The following PHF12 variants were observed in gnomAD, a reference collection of about 807,000 sequenced individuals.
The protein encoded by PHF12 is PHD factor 1.
PHF12 carries 6 observed loss-of-function variants against 99.8 expected under a neutral mutation model. That is an observed-to-expected ratio of 0.06 (90% confidence interval 0.03 to 0.12). PHF12 has a LOEUF of 0.12. Among genes scored for constraint, PHF12 ranks in the 10% least tolerant of loss-of-function variants. The pLI is 1.00. For synonymous variants in PHF12, 480 were observed against 514.9 expected (o/e 0.93, Z 0.92); for missense variants, 954 against 1,300.1 (o/e 0.73, Z 4.09).
At chr17:28,920,321 A>G (rs2040139396) in intron 5 of PHF12, among the ~76,000 whole-genome samples, 1 of 152,182 alleles carries the variant, frequency 6.6e-6, no homozygotes, top group Non-Finnish European at 1.5e-5. Flanking sequence ...ACCATAATAC[A>G]GTCCTTCTAA....
chr17:28,928,355 A>C (rs1399894931), intron 2 of PHF12: 1 of 152,236 alleles, frequency 6.6e-6, no homozygotes, highest in Non-Finnish European at 1.5e-5. Flanking sequence ...TTATGCAACA[A>C]TAGATAACCA....
At chr17:28,939,165 G>C (rs994838241) in intron 2 of PHF12, among the ~76,000 whole-genome samples, 1 of 152,234 alleles carries the variant, frequency 6.6e-6, no homozygotes, top group African/African-American at 2.4e-5. Flanking sequence ...ATGACAGTTT[G>C]CTAAGTTAAA....
intron 2 of PHF12, among the ~76,000 whole-genome samples, chr17:28,944,344 T>C (rs1724127410): frequency 6.6e-6 from 1 of 152,240 alleles, no homozygotes; most frequent in Admixed American, 6.5e-5. Flanking sequence ...TACTACTAAG[T>C]ACTTGCCTTA....
intron 2 of PHF12, among the ~76,000 whole-genome samples, chr17:28,943,632 A>AAAACAAAC (rs1396141219): frequency 1.4e-5 from 2 of 146,020 alleles, no homozygotes; most frequent in African/African-American, 5.2e-5. Context: ...TCTGTCTCAA[A>AAAACAAAC]AAATAAACAA....
chr17:28,934,591 CTTTCTTTT>C (rs1233113115), intron 2 of PHF12, among the ~76,000 whole-genome samples: 1 of 149,442 alleles, frequency 6.7e-6, no homozygotes, highest in Non-Finnish European at 1.5e-5. Flanking sequence ...CCTTTCTTTT[CTTTCTTTT>C]TTTCTTTTCT....
intron 2 of PHF12, among the ~76,000 whole-genome samples, chr17:28,943,665 A>G (rs752758624): frequency 2.0e-5 from 3 of 151,918 alleles, no homozygotes; most frequent in Non-Finnish European, 2.9e-5. Flanking sequence ...ACAAAACCAA[A>G]ACCAACAACA....
chr17:28,938,858 TTA>T (rs1324581032), intron 2 of PHF12, among the ~76,000 whole-genome samples: 5 of 152,152 alleles, frequency 3.3e-5, no homozygotes, highest in African/African-American at 1.2e-4. Context: ...AGTGACCTAT[TTA>T]TGAGTTGAAC....
Position 28,928,953 on chromosome 17 carries a change from G to A in PHF12, c.249-1890C>T, listed in dbSNP as rs374655154. 2.9e-4 allele frequency among the ~76,000 whole-genome samples: 44 copies of A among 151,760 alleles called. No individual in the cohort carries two copies. The East Asian group carries it at 7.7e-3, about 26-fold the overall frequency. ...TCTACTAATAATACAAAAATTAGCC[G>A]GGTGTAGTGGCACGCGCCTGTAGTC... On this transcript the variant is annotated intron_variant, in intron 2 of 14. Transcript: ENST00000332830.
At chr17:28,921,456 C>T (rs183612298) in intron 5 of PHF12, among the ~76,000 whole-genome samples, 6 of 152,304 alleles carry the variant, frequency 3.9e-5, no homozygotes, top group African/African-American at 1.4e-4. Flanking sequence ...CATAAGCCAC[C>T]GTGCTCGGCC....
intron 2 of PHF12, among the ~76,000 whole-genome samples, chr17:28,934,867 C>T (rs2040479455): frequency 6.6e-6 from 1 of 152,228 alleles, no homozygotes; most frequent in African/African-American, 2.4e-5. Flanking sequence ...TTCCAAAGTG[C>T]TGAGATTACA....
chr17:28,907,079 G>A (rs1169749899), intron 13 of PHF12, 85 bp from the exon 14 acceptor site: 4 of 1,447,526 alleles, frequency 2.8e-6, no homozygotes, highest in Admixed American at 2.1e-5. Flanking sequence ...GGAGAAGGCC[G>A]TGCTACTCTA....
rs1335263379 is a variant in PHF12, at chr17:28,906,775, G to C, written c.2680+81C>G. 14 of 1,511,050 alleles carry C rather than the reference G, an allele frequency of 9.3e-6. No homozygotes were observed. The East Asian group carries it at 3.0e-4, about 32-fold the overall frequency. The allele number at this position is 1,511,050 out of a possible 1,614,324, so 93.6% of individuals were successfully genotyped here. ...TTGGCCAATAGGACTGGGAAGGCAA[G>C]AGACAGACCATGGGCAGCAAGTCAG... On this transcript the variant is annotated intron_variant, in intron 14 of 14. Coordinates refer to ENST00000332830, the MANE Select transcript of PHF12 (RefSeq NM_001033561.2). The surrounding 1 kb of genome is among the most constrained non-coding windows in gnomAD (Gnocchi z 4.2).
In PHF12 at chr17:28,949,259, A is replaced by T. The variant is rs1037459554; in HGVS notation, c.248+806T>A. Among the ~76,000 whole-genome samples the T allele has an allele frequency of 6.6e-6, 1 of 152,188 alleles. No homozygotes were observed. On this transcript the variant is annotated intron_variant, in intron 2 of 14. Coordinates refer to ENST00000332830, the MANE Select transcript of PHF12 (RefSeq NM_001033561.2). The surrounding 1 kb of genome is among the most constrained non-coding windows in gnomAD (Gnocchi z 4.6). ...AAATCGGCGCCCAAGGGCAATTTTA[A>T]TTGTCTAACCCGGCCCGATTTCCTA...
chr17:28,933,820 G>A (rs1437644534), intron 2 of PHF12, among the ~76,000 whole-genome samples: 1 of 152,146 alleles, frequency 6.6e-6, no homozygotes, highest in Non-Finnish European at 1.5e-5. Flanking sequence ...GGCTAAGGTG[G>A]GAGGACTACT....
Position 28,917,282 on chromosome 17 carries a change from C to T in PHF12, c.1134+3G>A. 2 of 1,613,384 alleles carry T rather than the reference C, an allele frequency of 1.2e-6. No homozygotes were observed. Among genetic ancestry groups the T allele is most frequent in the Non-Finnish European group, 1.7e-6 (2 of 1,180,026 alleles). ...ATCTTGCCTGCACCTGATTGTGACT[C>T]ACCTTCAAGCTTCTTCTTTTGACCG... On this transcript the variant is annotated splice_donor_region_variant and intron_variant, in intron 7 of 14. Coordinates refer to ENST00000332830, the MANE Select transcript of PHF12 (RefSeq NM_001033561.2).
At position 28,906,511 on chromosome 17, in the gene PHF12, C is replaced by T. The variant is rs373167074; in HGVS notation, c.2687G>A (p.Arg896His). The T allele has an allele frequency of 5.3e-5, 85 of 1,596,242 alleles. No individual in the cohort carries two copies. Among genetic ancestry groups the T allele is most frequent in the Middle Eastern group, 1.7e-4 (1 of 6,006 alleles). The change falls in exon 15 of 15, where the codon CGC becomes CAC. Residue 896 changes from arginine (R) to histidine (H), a missense_variant. Arg to His is a conservative substitution (Grantham distance 29, BLOSUM62 0). Coordinates refer to ENST00000332830, the MANE Select transcript of PHF12 (RefSeq NM_001033561.2). The surrounding 1 kb of genome is among the most constrained non-coding windows in gnomAD (Gnocchi z 4.2). ...CTCTTCGTCCTGTTTCTGGTGCCGG[C>T]GGCGCCCTGGGAAAAAGGGGGATGG... The part of the protein sequence containing the change: ...VAKVQSVIRR[R>H]RHQKQDEEPS...
intron 5 of PHF12, 124 bp downstream of exon 5, chr17:28,921,556 AGTCTCCAT>A: frequency 8.7e-7 from 1 of 1,154,528 alleles, no homozygotes; most frequent in Non-Finnish European, 1.2e-6. Flanking sequence ...TCCATTAGTT[AGTCTCCAT>A]GTACTCATAC....
At chr17:28,916,981 C>T (rs965768478) in intron 7 of PHF12, among the ~76,000 whole-genome samples, 7 of 152,222 alleles carry the variant, frequency 4.6e-5, no homozygotes, top group East Asian at 1.9e-4. Context: ...ATAGAATGAG[C>T]GTTAGGTGAG....
chr17:28,922,729 G>A (rs2040188356), intron 4 of PHF12, among the ~76,000 whole-genome samples: 1 of 152,030 alleles, frequency 6.6e-6, no homozygotes, highest in Non-Finnish European at 1.5e-5. Flanking sequence ...AATAGAAAAT[G>A]GCACTGGTTA....
Sources: allele counts gnomAD v4.1 joint callset (sites outside exome capture counted in the v4.1 genomes callset), GRCh38; gene constraint gnomAD v4.1.1; non-coding constraint Gnocchi (gnomAD v3.1); transcripts MANE v1.5; gene names NCBI Gene and HGNC (gene_info 2026-07-23, HGNC 2026-07-21).